Variants in GATAD2B observed in about 807,000 individuals in gnomAD.
The protein encoded by GATAD2B is transcriptional repressor p66-beta.
A neutral mutation model predicts 64.3 loss-of-function variants in GATAD2B; 8 were observed. The observed-to-expected ratio is 0.12, with a 90% confidence interval of 0.07 to 0.22. The LOEUF is 0.22. Ranked by LOEUF, GATAD2B falls within the 10% of genes least tolerant of loss-of-function variation. GATAD2B has a pLI of 1.00. For synonymous variants in GATAD2B, 281 were observed against 271.3 expected (o/e 1.04, Z -0.35); for missense variants, 453 against 752.0 (o/e 0.60, Z 4.65).
intron 10 of GATAD2B, among the ~76,000 whole-genome samples, chr1:153,810,936 T>G (rs1674271602): frequency 6.6e-6 from 1 of 152,140 alleles, no homozygotes; most frequent in Non-Finnish European, 1.5e-5. Flanking sequence ...GCTAATTTTT[T>G]GTATTTTCAG....
intron 1 of GATAD2B, 95 bp from the exon 2 acceptor site, chr1:153,828,443 C>T (rs937447191): frequency 1.3e-6 from 1 of 741,124 alleles, no homozygotes; most frequent in African/African-American, 2.0e-5. Flanking sequence ...ACAAGAATCT[C>T]TCTCTCACAC....
At chr1:153,891,028 AC>A (rs1677371020) in intron 1 of GATAD2B, among the ~76,000 whole-genome samples, 1 of 151,910 alleles carries the variant, frequency 6.6e-6, no homozygotes, top group African/African-American at 2.4e-5. Flanking sequence ...TACTAAAAAT[AC>A]AAAAATTAGC....
chr1:153,817,340 T>A (rs373661813), intron 6 of GATAD2B, 32 bp downstream of exon 6: 22 of 1,479,952 alleles, frequency 1.5e-5, no homozygotes, highest in Non-Finnish European at 1.9e-5. Flanking sequence ...GGGATTTCTC[T>A]GTTTCCACAT....
chr1:153,909,379 A>AT (rs1192004008), intron 1 of GATAD2B, among the ~76,000 whole-genome samples: 16 of 151,768 alleles, frequency 1.1e-4, no homozygotes, highest in South Asian at 2.1e-4. Context: ...ATGACGACTA[A>AT]TTTTTTGTAT....
Position 153,833,860 on chromosome 1 carries a change from C to G in GATAD2B, c.-1-5512G>C, listed in dbSNP as rs143398825. 1.9e-3 allele frequency among the ~76,000 whole-genome samples: 294 copies of G among 151,500 alleles called. 2 individuals carry two copies. The highest frequency in any genetic ancestry group is 6.7e-3 in the African/African-American group (278 of 41,322). ...AAAAGAAATATTAATATATTTCAGGCCAAGCATGGTGGCTCACAAAAGTAA... is the reference window on the plus strand; with the variant it reads ...AAAAGAAATATTAATATATTTCAGGGCAAGCATGGTGGCTCACAAAAGTAA... On this transcript the variant is annotated intron_variant, in intron 1 of 10. Coordinates refer to ENST00000368655, the MANE Select transcript of GATAD2B (RefSeq NM_020699.4).
At chr1:153,870,213 G>C (rs1409770140) in intron 1 of GATAD2B, among the ~76,000 whole-genome samples, 1 of 152,050 alleles carries the variant, frequency 6.6e-6, no homozygotes, top group Non-Finnish European at 1.5e-5. Flanking sequence ...GGCCTCCAAA[G>C]TGCTGGGATT....
intron 1 of GATAD2B, among the ~76,000 whole-genome samples, chr1:153,841,309 G>C (rs567618382): frequency 6.6e-6 from 1 of 152,058 alleles, no homozygotes; most frequent in South Asian, 2.1e-4. Flanking sequence ...GTATTCATTT[G>C]TATGTACTTA....
chr1:153,842,954 C>CA (rs1675549355), intron 1 of GATAD2B, among the ~76,000 whole-genome samples: 2 of 117,484 alleles, frequency 1.7e-5, no homozygotes, highest in African/African-American at 6.4e-5. Flanking sequence ...CTCGCCCAGC[C>CA]TTTTTTTTTT....
intron 1 of GATAD2B, among the ~76,000 whole-genome samples, chr1:153,898,531 G>A (rs1241808140): frequency 1.3e-5 from 2 of 151,620 alleles, no homozygotes; most frequent in Admixed American, 1.3e-4. Flanking sequence ...TTGGAGACCA[G>A]CCTGGCCAAT....
chr1:153,910,403 T>C (rs922171147), intron 1 of GATAD2B, among the ~76,000 whole-genome samples: 15 of 152,220 alleles, frequency 9.9e-5, no homozygotes, highest in African/African-American at 3.6e-4. Context: ...ACCTTTGGTA[T>C]AATATTCAAT....
chr1:153,815,655 A>G (rs1674453123), intron 7 of GATAD2B, among the ~76,000 whole-genome samples: 1 of 151,120 alleles, frequency 6.6e-6, no homozygotes, highest in South Asian at 2.1e-4. Context: ...TGCTGAAGGG[A>G]AAAAAAAACA....
Position 153,863,523 on chromosome 1 carries a change from A to C in GATAD2B, c.-1-35175T>G, listed in dbSNP as rs942487470. Among the ~76,000 whole-genome samples the C allele has an allele frequency of 5.6e-4, 85 of 152,034 alleles. 1 individual carries two copies. The highest frequency in any genetic ancestry group is 1.2e-3 in the Admixed American group (18 of 15,242). ...AAAGAAAGAAATAAGAAAAAAAAAA[A>C]AACAACAGGAAAGTAAGCAATCTAA... On this transcript the variant is annotated intron_variant, in intron 1 of 10. Coordinates refer to ENST00000368655, the MANE Select transcript of GATAD2B (RefSeq NM_020699.4).
chr1:153,882,442 A>T (rs1327098576), intron 1 of GATAD2B, among the ~76,000 whole-genome samples: 1 of 152,184 alleles, frequency 6.6e-6, no homozygotes, highest in Non-Finnish European at 1.5e-5. Context: ...GCTGTCCCAC[A>T]GATAGGACAT....
intron 1 of GATAD2B, among the ~76,000 whole-genome samples, chr1:153,831,047 T>G (rs532725717): frequency 1.3e-5 from 2 of 152,168 alleles, no homozygotes; most frequent in South Asian, 4.1e-4. Flanking sequence ...CTTGGGATTA[T>G]AGGCAGAAAT....
In GATAD2B at chr1:153,847,495, C is replaced by G. The variant is rs545858271; in HGVS notation, c.-1-19147G>C. ...ACTCCTGAACTCAAGTGATCCTCCTCTTTAGGCCTCCCAAAGCACTGAGAT... is the reference window on the plus strand; with the variant it reads ...ACTCCTGAACTCAAGTGATCCTCCTGTTTAGGCCTCCCAAAGCACTGAGAT... On this transcript the variant is annotated intron_variant, in intron 1 of 10. Transcript: ENST00000368655. 9.9e-4 allele frequency among the ~76,000 whole-genome samples: 150 copies of G among 152,274 alleles called. 1 individual carries two copies. The highest frequency in any genetic ancestry group is 3.5e-3 in the African/African-American group (144 of 41,558).
chr1:153,849,319 C>T (rs1416295373), intron 1 of GATAD2B, among the ~76,000 whole-genome samples: 2 of 152,184 alleles, frequency 1.3e-5, no homozygotes, highest in African/African-American at 4.8e-5. Flanking sequence ...ACATTAATCC[C>T]ACCCATGAGG....
rs71093285 is a variant in GATAD2B at position 153,815,293 on chromosome 1, C to CAA, written c.1216+978_1216+979dup. ...GTCTCAAAAAAACAAAAAAAAAAAA[C>CAA]AAAAAAAAAAAAAAGAAAAGAGAAG... On this transcript the variant is annotated intron_variant, in intron 7 of 10. Transcript: ENST00000368655. 5.5e-4 allele frequency among the ~76,000 whole-genome samples: 62 copies of CAA among 111,840 alleles called. 1 individual carries two copies. The highest frequency in any genetic ancestry group is 3.8e-3 in the South Asian group (13 of 3,422). The allele number at this position is 111,840 out of a possible 152,430, so 73.4% of individuals were successfully genotyped here.
chr1:153,871,651 T>C (rs747815570), intron 1 of GATAD2B, among the ~76,000 whole-genome samples: 80 of 152,070 alleles, frequency 5.3e-4, no homozygotes, highest in Admixed American at 6.6e-4. Context: ...TTTGTATTTT[T>C]AGTAGAGACG....
chr1:153,879,371 G>A (rs114117129), intron 1 of GATAD2B, among the ~76,000 whole-genome samples: 136 of 152,084 alleles, frequency 8.9e-4, no homozygotes, highest in Middle Eastern at 3.4e-3. Context: ...CACCGCTCTC[G>A]GCCCCATACT....
Sources: gnomAD v4.1 joint callset for allele counts (sites outside exome capture counted in the v4.1 genomes callset) on GRCh38, gnomAD v4.1.1 for gene constraint, MANE v1.5 for transcripts, NCBI Gene and HGNC (gene_info 2026-07-23, HGNC 2026-07-21) for gene names.